Variants in FRMD5 observed in about 807,000 individuals in gnomAD.
The protein encoded by FRMD5 is FERM domain-containing protein 5.
FRMD5 carries 20 observed loss-of-function variants against 69.0 expected under a neutral mutation model. The ratio of observed to expected loss-of-function variants is 0.29; its 90% CI spans 0.20 to 0.42. The LOEUF is 0.42. FRMD5 is among the 10% of genes least tolerant of loss of function. The pLI, the probability that FRMD5 is intolerant of heterozygous loss-of-function variation, is 1.00. For synonymous variants in FRMD5, 271 were observed against 260.1 expected (o/e 1.04, Z -0.40); for missense variants, 595 against 708.6 (o/e 0.84, Z 1.82).
intron 1 of FRMD5, among the ~76,000 whole-genome samples, chr15:44,053,286 G>A (rs1205424031): frequency 6.6e-6 from 1 of 152,268 alleles, no homozygotes; most frequent in South Asian, 2.1e-4. Flanking sequence ...GCCAGTCATG[G>A]TAAAGATTTA....
rs1312667673 is a variant in FRMD5, at chr15:44,155,422, C to T, written c.102+39531G>A. On this transcript the variant is annotated intron_variant, in intron 1 of 13. Coordinates refer to ENST00000417257, the MANE Select transcript of FRMD5 (RefSeq NM_032892.5). ...ATTCCAGCCTGGTGACAGAGCGAGACTCTGTCTCAAAAAAGAAAAAAAGAA... is the reference window on the plus strand; with the variant it reads ...ATTCCAGCCTGGTGACAGAGCGAGATTCTGTCTCAAAAAAGAAAAAAAGAA... 1.5e-4 allele frequency among the ~76,000 whole-genome samples: 23 copies of T among 151,846 alleles called. 1 individual carries two copies. The highest frequency in any genetic ancestry group is 1.5e-3 in the Admixed American group (23 of 15,268).
At chr15:44,190,247 A>G (rs1595574131) in intron 1 of FRMD5, among the ~76,000 whole-genome samples, 1 of 152,214 alleles carries the variant, frequency 6.6e-6, no homozygotes, top group Admixed American at 6.5e-5. Flanking sequence ...TAAAATAGAT[A>G]TAACTAGAAA....
intron 1 of FRMD5, among the ~76,000 whole-genome samples, chr15:44,123,264 G>C (rs965259774): frequency 1.3e-5 from 2 of 151,690 alleles, no homozygotes; most frequent in Non-Finnish European, 2.9e-5. Context: ...AGAATCACTT[G>C]AACCCGGGAG....
At chr15:44,141,076 GA>G (rs1221680973) in intron 1 of FRMD5, among the ~76,000 whole-genome samples, 1 of 151,812 alleles carries the variant, frequency 6.6e-6, no homozygotes, top group East Asian at 1.9e-4. Flanking sequence ...GGTAACTGTG[GA>G]AAAAATCCTA....
intron 1 of FRMD5, among the ~76,000 whole-genome samples, chr15:44,094,848 A>G (rs150081553): frequency 0.011 from 1,602 of 152,204 alleles, 25 homozygotes; most frequent in Middle Eastern, 0.034. Context: ...ACAAATTTCA[A>G]TTGTGCTGAT....
intron 1 of FRMD5, among the ~76,000 whole-genome samples, chr15:44,113,019 C>CTT (rs1358745070): frequency 6.6e-6 from 1 of 152,198 alleles, no homozygotes; most frequent in African/African-American, 2.4e-5. Context: ...AGAAGGGGGT[C>CTT]TTATAGGAAT....
At chr15:43,986,790 TG>T (rs1889415503) in intron 1 of FRMD5, among the ~76,000 whole-genome samples, 1 of 151,354 alleles carries the variant, frequency 6.6e-6, no homozygotes, top group Non-Finnish European at 1.5e-5. Flanking sequence ...GTAGATATTG[TG>T]GGGTTTTTGT....
At chr15:44,099,057 G>A (rs1468417387) in intron 1 of FRMD5, among the ~76,000 whole-genome samples, 3 of 152,168 alleles carry the variant, frequency 2.0e-5, no homozygotes. Context: ...AAACTGTTCA[G>A]GCTGGGTGTT....
At chr15:44,075,560 A>G (rs1451153603) in intron 1 of FRMD5, among the ~76,000 whole-genome samples, 1 of 152,114 alleles carries the variant, frequency 6.6e-6, no homozygotes, top group Non-Finnish European at 1.5e-5. Context: ...AAATATAGGG[A>G]ATTTCTCCCT....
At chr15:44,163,214 C>T (rs1306069133) in intron 1 of FRMD5, among the ~76,000 whole-genome samples, 1 of 152,152 alleles carries the variant, frequency 6.6e-6, no homozygotes, top group Non-Finnish European at 1.5e-5. Context: ...TCCCCAAATC[C>T]GCATCTTTCA....
intron 1 of FRMD5, among the ~76,000 whole-genome samples, chr15:43,963,087 A>G (rs1347845286): frequency 6.6e-6 from 1 of 152,242 alleles, no homozygotes; most frequent in Middle Eastern, 3.2e-3. Context: ...GCTTCTGCAC[A>G]GCAAAAGAAA....
At chr15:44,069,744 T>C (rs931574975) in intron 1 of FRMD5, among the ~76,000 whole-genome samples, 1 of 152,168 alleles carries the variant, frequency 6.6e-6, no homozygotes, top group Admixed American at 6.5e-5. Flanking sequence ...GCAAGCATCA[T>C]TGTCAGTATC....
intron 1 of FRMD5, among the ~76,000 whole-genome samples, chr15:43,926,639 C>T (rs983084690): frequency 4.6e-5 from 7 of 152,022 alleles, no homozygotes; most frequent in South Asian, 2.1e-4. Flanking sequence ...TTTGTCCTTG[C>T]AGGAGCTGGA....
chr15:44,121,748 A>G (rs1466299003), intron 1 of FRMD5, among the ~76,000 whole-genome samples: 1 of 152,140 alleles, frequency 6.6e-6, no homozygotes, highest in African/African-American at 2.4e-5. Context: ...TAATCCCAGC[A>G]CTTTGGGAGG....
chr15:44,064,114 AT>A, intron 1 of FRMD5: 2 of 215,102 alleles, frequency 9.3e-6, no homozygotes, highest in South Asian at 6.9e-5. Flanking sequence ...TGGCTGTGGA[AT>A]TTTCCAGAAC....
chr15:44,153,933 A>C (rs1352533022), intron 1 of FRMD5, among the ~76,000 whole-genome samples: 1 of 152,048 alleles, frequency 6.6e-6, no homozygotes, highest in African/African-American at 2.4e-5. Flanking sequence ...GCGCCACTGC[A>C]CTCCAGCCTA....
chr15:44,189,968 G>C (rs1447941632), intron 1 of FRMD5, among the ~76,000 whole-genome samples: 1 of 152,194 alleles, frequency 6.6e-6, no homozygotes. Flanking sequence ...TTTCCCAGCT[G>C]CATAAGAAAA....
intron 1 of FRMD5, among the ~76,000 whole-genome samples, chr15:43,955,423 G>A (rs893177170): frequency 6.6e-6 from 1 of 152,194 alleles, no homozygotes; most frequent in Non-Finnish European, 1.5e-5. Flanking sequence ...ATCATCTCAA[G>A]CCAAAAATAC....
Position 43,885,734 on chromosome 15 carries a change from G to A in FRMD5, c.906C>T (p.Val302=). The change falls in exon 11 of 14, where the codon GTC becomes GTT. Residue 302 remains valine (V), a synonymous_variant. Coordinates refer to ENST00000417257, the MANE Select transcript of FRMD5 (RefSeq NM_032892.5). ...ATAAATTGCTGCTGGACACTGTGCG[G>A]ACTTGGCTTGACTTCTCCAGCCTGT... ...AFYKLEKSSQ[V]RTVSSSNLFF... is the part of the protein sequence containing the mutation. 6.2e-7 allele frequency: 1 copy of A among 1,614,154 alleles called. No individual in the cohort carries two copies. Among genetic ancestry groups the A allele is most frequent in the Non-Finnish European group, 8.5e-7 (1 of 1,179,992 alleles).
Sources: gnomAD v4.1 joint callset for allele counts (sites outside exome capture counted in the v4.1 genomes callset) on GRCh38, gnomAD v4.1.1 for gene constraint, MANE v1.5 for transcripts, NCBI Gene and HGNC (gene_info 2026-07-23, HGNC 2026-07-21) for gene names.